Variants in DHRS13 observed in about 807,000 individuals in gnomAD.
The protein encoded by DHRS13 is dehydrogenase/reductase 13.
Under a neutral mutation model 17.9 loss-of-function variants are expected in DHRS13, and 22 were observed. The observed-to-expected ratio is 1.23, with a 90% CI of 0.88 to 1.75. The LOEUF (loss-of-function observed/expected upper bound fraction) is 1.75, where lower values mean the gene tolerates loss of function less well. Among genes scored for constraint, DHRS13 ranks in the 40% most tolerant of loss-of-function variants. The pLI, the probability that DHRS13 is intolerant of heterozygous loss-of-function variation, is 0.00. For missense variants in DHRS13, 483 were observed against 519.9 expected (o/e 0.93, Z 0.69); for synonymous variants, 206 against 220.4 (o/e 0.93, Z 0.58).
rs769890272 is a variant in DHRS13 at position 28,901,233 on chromosome 17, A to C, written c.439T>G (p.Phe147Val). 1 of 1,614,208 alleles carries C rather than the reference A, an allele frequency of 6.2e-7. No individual in the cohort carries two copies. Among genetic ancestry groups the C allele is most frequent in the Admixed American group, 1.7e-5 (1 of 60,026 alleles). ...LLLRVNHIGPFLLTHLLLPCL... is the reference protein window; with the variant it reads ...LLLRVNHIGPVLLTHLLLPCL... ...GGCAGCAGCAGATGTGTCAGCAGAA[A>C]GGGACCGATATGGTTCACCCGAAGC... Residue 147 changes from phenylalanine (F) to valine (V), a missense_variant, in exon 4 of 5, where the codon TTT (phenylalanine) becomes GTT (valine). Physicochemically the swap from Phe to Val is conservative, Grantham distance 50. Transcript: ENST00000378895. This position sits in a 1 kb window ranked among gnomAD's most constrained non-coding sequence, Gnocchi z 4.3.
rs2039820897 is a variant in DHRS13 at position 28,903,062 on chromosome 17, G to A, written c.-118C>T. 3.2e-6 allele frequency: 3 copies of A among 927,254 alleles called. No homozygotes were observed. Among genetic ancestry groups the A allele is most frequent in the East Asian group, 3.8e-5 (1 of 26,210 alleles). The allele number at this position is 927,254 out of a possible 1,614,324, so 57.4% of individuals were successfully genotyped here. A position where few individuals can be genotyped will look rare whatever the true frequency, so the allele number is the denominator to read the frequency against. On this transcript the variant is annotated 5_prime_UTR_variant, in exon 1 of 5. Coordinates refer to ENST00000378895, the MANE Select transcript of DHRS13 (RefSeq NM_144683.4). The surrounding 1 kb of genome is among the most constrained non-coding windows in gnomAD (Gnocchi z 4.8). The stretch of plus-strand genomic sequence containing the variant: ...GCGCCCGGGCGCGTCAGCCTCCGAA[G>A]GCGGAGGCGGGCAGGAGGCTGGGCA...
Position 28,899,899 on chromosome 17 carries a change from GTTTTCTTTTTT to G in DHRS13, c.683-1018_683-1008del, listed in dbSNP as rs2039793083. Among the ~76,000 whole-genome samples, 1 of 150,926 alleles carries G rather than the reference GTTTTCTTTTTT, an allele frequency of 6.6e-6. No individual in the cohort carries two copies. Among genetic ancestry groups the G allele is most frequent in the Admixed American group, 6.6e-5 (1 of 15,170 alleles). ...ATTTTTGTATTTGTAGTAGAGACAG[GTTTTCTTTTTT>G]TTTTCTTTTTTCTTTTTTTTTGAGA... On this transcript the variant is annotated intron_variant, in intron 4 of 4. Coordinates refer to ENST00000378895, the MANE Select transcript of DHRS13 (RefSeq NM_144683.4). This position sits in a 1 kb window ranked among gnomAD's most constrained non-coding sequence, Gnocchi z 4.7.
rs747926007 is a variant in DHRS13 at position 28,901,728 on chromosome 17, G to T, written c.247-112C>A. 1.3e-6 allele frequency: 2 copies of T among 1,492,880 alleles called. No individual in the cohort carries two copies. Among genetic ancestry groups the T allele is most frequent in the Non-Finnish European group, 1.8e-6 (2 of 1,114,578 alleles). The allele number at this position is 1,492,880 out of a possible 1,614,324, so 92.5% of individuals were successfully genotyped here. On this transcript the variant is annotated intron_variant, in intron 2 of 4. Coordinates refer to ENST00000378895, the MANE Select transcript of DHRS13 (RefSeq NM_144683.4). This position sits in a 1 kb window ranked among gnomAD's most constrained non-coding sequence, Gnocchi z 4.3. ...CTACTGTTTACTAAAATCTGCCCCT[G>T]TGTCTTAGAGTGTACTAGATAAGTG...
At position 28,898,164 on chromosome 17, in the gene DHRS13, G is replaced by T; in HGVS notation, c.*277C>A. On this transcript the variant is annotated 3_prime_UTR_variant, in exon 5 of 5. Coordinates refer to ENST00000378895, the MANE Select transcript of DHRS13 (RefSeq NM_144683.4). ...CTCCAGAGCTGATCAGAATCAATAA[G>T]GGTGGGGCCTGAAAATACTACATCC... 2.1e-6 allele frequency: 1 copy of T among 473,832 alleles called. No individual in the cohort carries two copies. Among genetic ancestry groups the T allele is most frequent in the Non-Finnish European group, 3.7e-6 (1 of 268,804 alleles). 29.4% of individuals were successfully genotyped at this position (473,832 alleles called of 1,614,324 possible).
rs2039775984 is a variant in DHRS13, at chr17:28,898,279, C to T, written c.*162G>A. 2 of 688,404 alleles carry T rather than the reference C, an allele frequency of 2.9e-6. No individual in the cohort carries two copies. Among genetic ancestry groups the T allele is most frequent in the Non-Finnish European group, 4.8e-6 (2 of 417,890 alleles). 42.6% of individuals were successfully genotyped at this position (688,404 alleles called of 1,614,324 possible). On this transcript the variant is annotated 3_prime_UTR_variant, in exon 5 of 5. Coordinates refer to ENST00000378895, the MANE Select transcript of DHRS13 (RefSeq NM_144683.4). ...CAGGAAGAAATAATCACCCATTATT[C>T]CTTCAACCAGGAAAAGAGATGTCCA...
chr17:28,902,310 C>T lies in DHRS13; in HGVS notation c.246+273G>A, dbSNP rs943335928. Among the ~76,000 whole-genome samples the T allele has an allele frequency of 5.9e-5, 9 of 152,244 alleles. No homozygotes were observed. The highest frequency in any genetic ancestry group is 2.2e-4 in the African/African-American group (9 of 41,462). ...GCCTTTGCTTATGCTGTGCCCTCTGCTGTTCCCTTTCCTACTGATCATTAA... is the reference window on the plus strand; with the variant it reads ...GCCTTTGCTTATGCTGTGCCCTCTGTTGTTCCCTTTCCTACTGATCATTAA... On this transcript the variant is annotated intron_variant, in intron 2 of 4. Coordinates refer to ENST00000378895, the MANE Select transcript of DHRS13 (RefSeq NM_144683.4). The surrounding 1 kb of genome is among the most constrained non-coding windows in gnomAD (Gnocchi z 4.0).
rs2039774038 is a variant in DHRS13 at position 28,898,057 on chromosome 17, A to G, written c.*384T>C. On this transcript the variant is annotated 3_prime_UTR_variant, in exon 5 of 5. Transcript: ENST00000378895. ...TCATTAACATGGGGGTAATTTAACT[A>G]CCTAGCTAGACGGTTGCAAAGGGAT... 1 of 236,516 alleles carries G rather than the reference A, an allele frequency of 4.2e-6. No homozygotes were observed. Among genetic ancestry groups the G allele is most frequent in the South Asian group, 5.7e-5 (1 of 17,576 alleles). 14.7% of individuals were successfully genotyped at this position (236,516 alleles called of 1,614,324 possible).
In DHRS13 at chr17:28,898,653, T is replaced by TGCTG. The variant is rs781018551; in HGVS notation, c.918_921dup (p.Lys308GlnfsTer14). ...CCAGGCCCAAGCCCTGCCAGCCTCT[T>TGCTG]GCTGGCCTCCCATAGCCGATGGGCT... On this transcript the variant is annotated frameshift_variant, in exon 5 of 5. Coordinates refer to ENST00000378895, the MANE Select transcript of DHRS13 (RefSeq NM_144683.4). LOFTEE classifies it low-confidence loss of function (END_TRUNC). 3 of 1,613,838 alleles carry TGCTG rather than the reference T, an allele frequency of 1.9e-6. No individual in the cohort carries two copies. The highest frequency in any genetic ancestry group is 2.5e-6 in the Non-Finnish European group (3 of 1,179,894).
chr17:28,901,376 G>T lies in DHRS13; in HGVS notation c.371-75C>A. On this transcript the variant is annotated intron_variant, in intron 3 of 4. Transcript: ENST00000378895. This position sits in a 1 kb window ranked among gnomAD's most constrained non-coding sequence, Gnocchi z 4.3. ...CCTTGGCATCCCTATCTATGAGATG[G>T]GAGAAGGGGGCATCCTTCCCATGTG... 6.3e-7 allele frequency: 1 copy of T among 1,585,628 alleles called. No individual in the cohort carries two copies. The highest frequency in any genetic ancestry group is 8.6e-7 in the Non-Finnish European group (1 of 1,164,830).
rs1044483455 is a variant in DHRS13, at chr17:28,899,914, T to C, written c.683-1022A>G. 4.0e-5 allele frequency among the ~76,000 whole-genome samples: 6 copies of C among 151,784 alleles called. No homozygotes were observed. The highest frequency in any genetic ancestry group is 1.5e-4 in the African/African-American group (6 of 41,294). On this transcript the variant is annotated intron_variant, in intron 4 of 4. Coordinates refer to ENST00000378895, the MANE Select transcript of DHRS13 (RefSeq NM_144683.4). The surrounding 1 kb of genome is among the most constrained non-coding windows in gnomAD (Gnocchi z 4.7). ...GTAGAGACAGGTTTTCTTTTTTTTT[T>C]CTTTTTTCTTTTTTTTTGAGATGGA...
chr17:28,897,798 T>A lies in DHRS13; in HGVS notation c.*643A>T, dbSNP rs112464977. 1.3e-5 allele frequency: 4 copies of A among 318,164 alleles called. No individual in the cohort carries two copies. Among genetic ancestry groups the A allele is most frequent in the African/African-American group, 2.2e-5 (1 of 45,660 alleles). The allele number at this position is 318,164 out of a possible 1,614,324, so 19.7% of individuals were successfully genotyped here. ...AGCGCAGCTTCGGCGGTCAACGCGC[T>A]TTATTCCGAGGGGCTTCAGATACAG... On this transcript the variant is annotated 3_prime_UTR_variant, in exon 5 of 5. Coordinates refer to ENST00000378895, the MANE Select transcript of DHRS13 (RefSeq NM_144683.4). This position sits in a 1 kb window ranked among gnomAD's most constrained non-coding sequence, Gnocchi z 4.4.
chr17:28,902,887 A>G lies in DHRS13; in HGVS notation c.58T>C (p.Tyr20His). 6.4e-7 allele frequency: 1 copy of G among 1,557,372 alleles called. No homozygotes were observed. The highest frequency in any genetic ancestry group is 8.6e-7 in the Non-Finnish European group (1 of 1,159,946). The change falls in exon 1 of 5, where the codon TAC becomes CAC. Residue 20 changes from tyrosine to histidine, a missense_variant. By Grantham distance (83) the Tyr-to-His change is moderately conservative. Transcript: ENST00000378895. The surrounding 1 kb of genome is among the most constrained non-coding windows in gnomAD (Gnocchi z 4.0). ...LLLGAYVLVY[Y>H]NLVKAPPCGG... Reference sequence around the variant, plus strand: ...CACGGCGGGGCCTTCACCAGGTTGTAGTAGACAAGCACGTAAGCGCCCAGC... The same window carrying G: ...CACGGCGGGGCCTTCACCAGGTTGTGGTAGACAAGCACGTAAGCGCCCAGC...
At position 28,898,825 on chromosome 17, in the gene DHRS13, CAATGGGCGCAAA is replaced by C; in HGVS notation, c.738_749del (p.Leu247_Leu250del). On this transcript the variant is annotated inframe_deletion, in exon 5 of 5. Coordinates refer to ENST00000378895, the MANE Select transcript of DHRS13 (RefSeq NM_144683.4). ...TTGGTGCCCGGAGCACCAGCCAAGC[CAATGGGCGCAAA>C]AGTGGGCGCAGCCATCCAGGAACAT... The C allele has an allele frequency of 6.2e-7, 1 of 1,609,488 alleles. No individual in the cohort carries two copies. Among genetic ancestry groups the C allele is most frequent in the Middle Eastern group, 1.7e-4 (1 of 6,050 alleles).
chr17:28,902,800 A>C lies in DHRS13; in HGVS notation c.127+18T>G. The C allele has an allele frequency of 6.6e-7, 1 of 1,509,692 alleles. No individual in the cohort carries two copies. The highest frequency in any genetic ancestry group is 8.8e-7 in the Non-Finnish European group (1 of 1,137,632). The allele number at this position is 1,509,692 out of a possible 1,614,324, so 93.5% of individuals were successfully genotyped here. ...CCGCGCGCCCCGCCAGCTCGCACTC[A>C]CCCGCCTCCGCACTCACCCGTGACC... On this transcript the variant is annotated intron_variant, in intron 1 of 4. Coordinates refer to ENST00000378895, the MANE Select transcript of DHRS13 (RefSeq NM_144683.4). This position sits in a 1 kb window ranked among gnomAD's most constrained non-coding sequence, Gnocchi z 4.0.
Position 28,901,562 on chromosome 17 carries a change from A to T in DHRS13, c.301T>A (p.Ser101Thr). ...AAGGCAGTGGCAAAGGCCCGCACCG[A>T]GGCCAGACTGGCCAAGTCCAAGGCC... ...FMALDLASLASVRAFATAFLS... is the reference protein window; with the variant it reads ...FMALDLASLATVRAFATAFLS... Residue 101 changes from serine to threonine, a missense_variant, in exon 3 of 5, where the codon TCG (serine) becomes ACG (threonine). Coordinates refer to ENST00000378895, the MANE Select transcript of DHRS13 (RefSeq NM_144683.4). This position sits in a 1 kb window ranked among gnomAD's most constrained non-coding sequence, Gnocchi z 4.3. 6.2e-7 allele frequency: 1 copy of T among 1,614,234 alleles called. No homozygotes were observed. The highest frequency in any genetic ancestry group is 2.2e-5 in the East Asian group (1 of 44,892).
Position 28,899,275 on chromosome 17 carries a change from T to C in DHRS13, c.683-383A>G, listed in dbSNP as rs2039788633. The C allele has an allele frequency of 5.3e-6, 1 of 188,048 alleles. No individual in the cohort carries two copies. The highest frequency in any genetic ancestry group is 1.1e-5 in the Non-Finnish European group (1 of 91,850). 11.6% of individuals were successfully genotyped at this position (188,048 alleles called of 1,614,324 possible). A position where few individuals can be genotyped will look rare whatever the true frequency, so the allele number is the denominator to read the frequency against. On this transcript the variant is annotated intron_variant, in intron 4 of 4. Coordinates refer to ENST00000378895, the MANE Select transcript of DHRS13 (RefSeq NM_144683.4). This position sits in a 1 kb window ranked among gnomAD's most constrained non-coding sequence, Gnocchi z 4.7. ...AACAATTCTCAGTCTCTCTCCATCT[T>C]TTCTTCTAGCTCAAGTCCTGTTCCT...
At position 28,902,852 on chromosome 17, in the gene DHRS13, C is replaced by A. The variant is rs769700518; in HGVS notation, c.93G>T (p.Met31Ile). The A allele has an allele frequency of 6.5e-7, 1 of 1,550,206 alleles. No homozygotes were observed. Among genetic ancestry groups the A allele is most frequent in the Non-Finnish European group, 8.6e-7 (1 of 1,156,648 alleles). The change falls in exon 1 of 5, where the codon ATG becomes ATT. Residue 31 changes from methionine to isoleucine, a missense_variant. Physicochemically the swap from Met to Ile is conservative, Grantham distance 10. Coordinates refer to ENST00000378895, the MANE Select transcript of DHRS13 (RefSeq NM_144683.4). This position sits in a 1 kb window ranked among gnomAD's most constrained non-coding sequence, Gnocchi z 4.0. ...NLVKAPPCGG[M>I]GNLRGRTAVV... is the part of the protein sequence containing the mutation. The stretch of plus-strand genomic sequence containing the variant: ...CGGCCGTGCGGCCCCGCAGGTTGCC[C>A]ATGCCGCCGCACGGCGGGGCCTTCA...
chr17:28,902,740 GGCGGGCCGCTGCT>G lies in DHRS13; in HGVS notation c.128-52_128-40del. 9 of 1,373,854 alleles carry G rather than the reference GGCGGGCCGCTGCT, an allele frequency of 6.6e-6. No individual in the cohort carries two copies. The highest frequency in any genetic ancestry group is 8.4e-6 in the Non-Finnish European group (9 of 1,074,186). The allele number at this position is 1,373,854 out of a possible 1,614,324, so 85.1% of individuals were successfully genotyped here. On this transcript the variant is annotated intron_variant, in intron 1 of 4. Transcript: ENST00000378895. This position sits in a 1 kb window ranked among gnomAD's most constrained non-coding sequence, Gnocchi z 4.0. ...GCGGGAGCCGAGCTGAGCTGAGCCC[GGCGGGCCGCTGCT>G]ACCGCCGGCCCGGCCTCCTCTCCGC...
rs1232834279 is a variant in DHRS13, at chr17:28,899,039, A to T, written c.683-147T>A. On this transcript the variant is annotated intron_variant, in intron 4 of 4. Coordinates refer to ENST00000378895, the MANE Select transcript of DHRS13 (RefSeq NM_144683.4). This position sits in a 1 kb window ranked among gnomAD's most constrained non-coding sequence, Gnocchi z 4.7. The stretch of plus-strand genomic sequence containing the variant: ...CAACATAGTCAAGCTCTGTCTCTTT[A>T]AAAAAAAAAACAACAACAAAAAAAA... The T allele has an allele frequency of 1.7e-5, 8 of 472,998 alleles. No homozygotes were observed. The highest frequency in any genetic ancestry group is 4.5e-5 in the Admixed American group (1 of 22,074). 29.3% of individuals were successfully genotyped at this position (472,998 alleles called of 1,614,324 possible).
Sources: gnomAD v4.1 joint callset for allele counts (sites outside exome capture counted in the v4.1 genomes callset) on GRCh38, gnomAD v4.1.1 for gene constraint, Gnocchi (gnomAD v3.1) non-coding constraint, MANE v1.5 for transcripts, NCBI Gene and HGNC (gene_info 2026-07-23, HGNC 2026-07-21) for gene names.